The following NELL1 variants were observed in gnomAD, a reference collection of about 807,000 sequenced individuals.
The protein encoded by NELL1 is protein kinase C-binding protein NELL1.
In NELL1, 76 loss-of-function variants were observed where a neutral mutation model predicts 107.4. The observed-to-expected ratio is 0.71, with a 90% CI of 0.59 to 0.86. The LOEUF is 0.86. Ranked by LOEUF, NELL1 falls within the 40% of genes least tolerant of loss-of-function variation. The pLI is 0.00. For missense variants in NELL1, 1,024 were observed against 1,005.5 expected (o/e 1.02, Z -0.25); for synonymous variants, 353 against 341.2 (o/e 1.03, Z -0.38).
chr11:20,958,072 A>G (rs1193853904), intron 11 of NELL1, among the ~76,000 whole-genome samples: 1 of 152,190 alleles, frequency 6.6e-6, no homozygotes, highest in Non-Finnish European at 1.5e-5. Flanking sequence ...CTAAATAAAA[A>G]TACATTTATA....
At chr11:21,091,461 G>A (rs1415156994) in intron 12 of NELL1, among the ~76,000 whole-genome samples, 1 of 152,186 alleles carries the variant, frequency 6.6e-6, no homozygotes. Flanking sequence ...CAACTTTAGA[G>A]AGCAGATATT....
chr11:21,114,750 A>G, intron 13 of NELL1, among the ~76,000 whole-genome samples: 1 of 152,032 alleles, frequency 6.6e-6, no homozygotes. Context: ...TCTGTCTTTT[A>G]CATATTATAA....
chr11:21,025,964 T>C (rs1852805255), intron 12 of NELL1, among the ~76,000 whole-genome samples: 1 of 152,174 alleles, frequency 6.6e-6, no homozygotes, highest in African/African-American at 2.4e-5. Flanking sequence ...GCAATTTCAA[T>C]TCATTAGTAA....
chr11:20,863,871 G>A (rs993492470), intron 4 of NELL1, among the ~76,000 whole-genome samples: 1 of 152,158 alleles, frequency 6.6e-6, no homozygotes, highest in Non-Finnish European at 1.5e-5. Context: ...CTCAGGAGGC[G>A]GAAGCTGGCG....
At chr11:21,415,370 A>G (rs2133815323) in intron 15 of NELL1, among the ~76,000 whole-genome samples, 1 of 152,148 alleles carries the variant, frequency 6.6e-6, no homozygotes, top group African/African-American at 2.4e-5. Flanking sequence ...GGTAGGGTAA[A>G]TGCCTCTTTT....
chr11:20,971,410 A>G (rs1253992444), intron 12 of NELL1, among the ~76,000 whole-genome samples: 3 of 152,232 alleles, frequency 2.0e-5, no homozygotes, highest in African/African-American at 7.2e-5. Context: ...TCCAAGTTTT[A>G]GAGCTTTAAA....
At position 20,699,149 on chromosome 11, in the gene NELL1, G is replaced by A. The variant is rs139654934; in HGVS notation, c.184+21089G>A. ...GGAGAATTGCTTGAACCCAGGAGGC[G>A]GAGGTTGTAGATAGTGGAGATCGTA... is the stretch of plus-strand genomic sequence containing the variant. On this transcript the variant is annotated intron_variant, in intron 2 of 19. Coordinates refer to ENST00000357134, the MANE Select transcript of NELL1 (RefSeq NM_006157.5). Among the ~76,000 whole-genome samples, 4 of 151,474 alleles carry A rather than the reference G, an allele frequency of 2.6e-5. 1 individual carries two copies. Among genetic ancestry groups the A allele is most frequent in the African/African-American group, 9.8e-5 (4 of 40,976 alleles).
At chr11:21,366,982 G>A (rs1851236151) in intron 14 of NELL1, among the ~76,000 whole-genome samples, 2 of 151,914 alleles carry the variant, frequency 1.3e-5, no homozygotes, top group African/African-American at 2.4e-5. Flanking sequence ...CCACAAACCT[G>A]GCATCTGCAA....
intron 3 of NELL1, among the ~76,000 whole-genome samples, chr11:20,796,957 G>A (rs1857181263): frequency 6.6e-6 from 1 of 152,208 alleles, no homozygotes; most frequent in Non-Finnish European, 1.5e-5. Context: ...CATGAGCAAA[G>A]AGGTGAGAGA....
At chr11:21,350,919 G>T (rs1248818556) in intron 14 of NELL1, among the ~76,000 whole-genome samples, 1 of 152,078 alleles carries the variant, frequency 6.6e-6, no homozygotes, top group South Asian at 2.1e-4. Context: ...ACTTATTAAC[G>T]TGACCTTATT....
chr11:21,143,413 A>G (rs1855910581), intron 13 of NELL1, among the ~76,000 whole-genome samples: 1 of 152,132 alleles, frequency 6.6e-6, no homozygotes, highest in South Asian at 2.1e-4. Flanking sequence ...GAGGAAAGAA[A>G]GGGGAAAGGA....
chr11:21,570,897 G>C lies in NELL1; in HGVS notation c.2114G>C (p.Ser705Thr). The C allele has an allele frequency of 6.2e-7, 1 of 1,611,892 alleles. No individual in the cohort carries two copies. Among genetic ancestry groups the C allele is most frequent in the South Asian group, 1.1e-5 (1 of 90,992 alleles). Residue 705 changes from serine (S) to threonine (T), a missense_variant, in exon 18 of 20, where the codon AGT becomes ACT. Physicochemically the swap from Ser to Thr is moderately conservative, Grantham distance 58. Transcript: ENST00000357134. ...LDQNGHKLYRSGDNWTHSCQQ... is the reference protein window; with the variant it reads ...LDQNGHKLYRTGDNWTHSCQQ... ...CAAAATGGTCACAAGCTGTATCGAA[G>C]TGGAGACAATTGGACCCATAGCTGT...
chr11:20,669,704 G>T lies in NELL1; in HGVS notation c.-20G>T. 1 of 1,612,274 alleles carries T rather than the reference G, an allele frequency of 6.2e-7. No individual in the cohort carries two copies. Among genetic ancestry groups the T allele is most frequent in the Non-Finnish European group, 8.5e-7 (1 of 1,178,598 alleles). ...CACCTAGCTTCGGTGCCCCCTGCTA[G>T]GCGGGGACCCTCGAGAGCGATGCCG... On this transcript the variant is annotated 5_prime_UTR_variant, in exon 1 of 20. The change creates a new upstream start codon in the 5' untranslated region. Coordinates refer to ENST00000357134, the MANE Select transcript of NELL1 (RefSeq NM_006157.5). This position sits in a 1 kb window ranked among gnomAD's most constrained non-coding sequence, Gnocchi z 4.4.
rs1265715946 is a variant in NELL1 at position 21,303,934 on chromosome 11, A to AGGCAAAAG, written c.1550-66910_1550-66903dup. Among the ~76,000 whole-genome samples, 95 of 152,114 alleles carry AGGCAAAAG rather than the reference A, an allele frequency of 6.2e-4. 3 individuals are homozygous for AGGCAAAAG. Among genetic ancestry groups the AGGCAAAAG allele is most frequent in the Admixed American group, 6.2e-3 (95 of 15,248 alleles). On this transcript the variant is annotated intron_variant, in intron 14 of 19. Coordinates refer to ENST00000357134, the MANE Select transcript of NELL1 (RefSeq NM_006157.5). ...AATCACTGCGTCCTCACATGGTGGA[A>AGGCAAAAG]GGCAAAAGGGCAAAAGAGTCCTCTC...
intron 7 of NELL1, among the ~76,000 whole-genome samples, chr11:20,925,994 A>G (rs994261111): frequency 1.3e-5 from 2 of 152,204 alleles, no homozygotes; most frequent in Non-Finnish European, 2.9e-5. Context: ...TAGTGGCTCA[A>G]AATAATCTTA....
intron 9 of NELL1, among the ~76,000 whole-genome samples, chr11:20,931,746 G>A (rs1850623263): frequency 6.6e-6 from 1 of 152,024 alleles, no homozygotes; most frequent in Non-Finnish European, 1.5e-5. Flanking sequence ...ACTGTTTCCT[G>A]AATACCATGT....
intron 15 of NELL1, among the ~76,000 whole-genome samples, chr11:21,435,629 T>G (rs1853092772): frequency 6.6e-6 from 1 of 152,222 alleles, no homozygotes; most frequent in African/African-American, 2.4e-5. Flanking sequence ...GATCACATTA[T>G]TGATTTGCAT....
In NELL1 at chr11:21,514,372, G is replaced by T. The variant is rs562965301; in HGVS notation, c.1646-20002G>T. On this transcript the variant is annotated intron_variant, in intron 15 of 19. Transcript: ENST00000357134. ...TAATGTTAGAGGTGTGCCAGCCAAA[G>T]AATTTAGAAATTTTGTTGCCCTTGT... 4.3e-3 allele frequency among the ~76,000 whole-genome samples: 660 copies of T among 152,282 alleles called. 5 individuals are homozygous for T. Among genetic ancestry groups the T allele is most frequent in the Middle Eastern group, 0.024 (7 of 294 alleles).
intron 13 of NELL1, among the ~76,000 whole-genome samples, chr11:21,134,374 A>G (rs941795633): frequency 1.3e-5 from 2 of 152,188 alleles, no homozygotes; most frequent in African/African-American, 4.8e-5. Flanking sequence ...AAGGACAGGA[A>G]GGAGTCAAAG....
Sources: gnomAD v4.1 joint callset for allele counts (sites outside exome capture counted in the v4.1 genomes callset) on GRCh38, gnomAD v4.1.1 for gene constraint, Gnocchi (gnomAD v3.1) non-coding constraint, MANE v1.5 for transcripts, NCBI Gene and HGNC (gene_info 2026-07-23, HGNC 2026-07-21) for gene names.